The following SNX10 variants were observed in gnomAD, a reference collection of about 807,000 sequenced individuals.
SNX10 encodes sorting nexin 10, also known as sorting nexin-10.
A neutral mutation model predicts 28.5 loss-of-function variants in SNX10; 25 were observed. The ratio of observed to expected loss-of-function variants is 0.88; its 90% CI spans 0.64 to 1.22. The LOEUF (loss-of-function observed/expected upper bound fraction) is 1.22. Ranked by LOEUF, SNX10 falls within the 50% of genes most tolerant of loss-of-function variation. The pLI is 0.00. For missense variants in SNX10, 223 were observed against 242.6 expected, an observed-to-expected ratio of 0.92 and a Z score of 0.54; for synonymous variants, 62 against 81.4, an observed-to-expected ratio of 0.76 and a Z score of 1.28.
chr7:26,372,312 TA>T, intron 6 of SNX10, 178 bp from the exon 7 acceptor site: 1 of 615,710 alleles, frequency 1.6e-6, no homozygotes, highest in South Asian at 2.0e-5. Flanking sequence ...TATTCGCGTT[TA>T]AATTATCTAG....
chr7:26,355,274 C>A (rs1199269865), intron 2 of SNX10, among the ~76,000 whole-genome samples: 1 of 152,112 alleles, frequency 6.6e-6, no homozygotes. Context: ...CCACTTTATT[C>A]TTTTTCAAAA....
chr7:26,292,588 CTGAT>C (rs914393254), intron 1 of SNX10, among the ~76,000 whole-genome samples: 4 of 152,030 alleles, frequency 2.6e-5, no homozygotes, highest in African/African-American at 9.7e-5. Flanking sequence ...ATATAATTGA[CTGAT>C]TATCAGATTT....
intron 1 of SNX10, among the ~76,000 whole-genome samples, chr7:26,292,625 T>C (rs1785970853): frequency 1.3e-5 from 2 of 152,282 alleles, no homozygotes; most frequent in Admixed American, 6.5e-5. Context: ...AGCAACAGCC[T>C]GTTTTTCAGT....
At chr7:26,359,094 T>C (rs73068480) in intron 2 of SNX10, among the ~76,000 whole-genome samples, 26,470 of 151,932 alleles carry the variant, frequency 0.17, 2,529 homozygotes, top group South Asian at 0.36. Flanking sequence ...GTGTGAGCCC[T>C]GCCTATCTTG....
chr7:26,318,892 T>A (rs1787197872), intron 1 of SNX10, among the ~76,000 whole-genome samples: 1 of 152,242 alleles, frequency 6.6e-6, no homozygotes, highest in Non-Finnish European at 1.5e-5. Context: ...CCACATGAGA[T>A]CCCTTTTTCT....
At chr7:26,334,291 A>G (rs953808073) in intron 1 of SNX10, among the ~76,000 whole-genome samples, 2 of 152,226 alleles carry the variant, frequency 1.3e-5, no homozygotes, top group Admixed American at 6.5e-5. Flanking sequence ...CATCACCTCA[A>G]GCATTTAAGG....
At chr7:26,323,652 T>C (rs916016196) in intron 1 of SNX10, among the ~76,000 whole-genome samples, 5 of 152,120 alleles carry the variant, frequency 3.3e-5, no homozygotes, top group Admixed American at 3.3e-4. Context: ...GGGCTTTACG[T>C]AGAAAAGGGG....
intron 1 of SNX10, among the ~76,000 whole-genome samples, chr7:26,313,380 G>A (rs1490536189): frequency 1.3e-5 from 2 of 152,192 alleles, no homozygotes; most frequent in Non-Finnish European, 2.9e-5. Flanking sequence ...GTTAGAACCT[G>A]TAAACTGATG....
At chr7:26,315,902 G>T (rs1425928918) in intron 1 of SNX10, among the ~76,000 whole-genome samples, 1 of 151,842 alleles carries the variant, frequency 6.6e-6, no homozygotes, top group Non-Finnish European at 1.5e-5. Flanking sequence ...CCTAGAGTTG[G>T]CTGGGCGCGA....
intron 1 of SNX10, among the ~76,000 whole-genome samples, chr7:26,303,500 C>T (rs976523766): frequency 1.3e-5 from 2 of 152,122 alleles, no homozygotes; most frequent in Non-Finnish European, 2.9e-5. Context: ...CAGGCTCCTC[C>T]GACCCTCTTT....
chr7:26,359,955 C>G (rs1232448671), intron 2 of SNX10, among the ~76,000 whole-genome samples: 1 of 152,104 alleles, frequency 6.6e-6, no homozygotes, highest in Non-Finnish European at 1.5e-5. Context: ...TGCGCCCGGC[C>G]TATTGTTTTA....
intron 1 of SNX10, among the ~76,000 whole-genome samples, chr7:26,317,807 C>T (rs1361794296): frequency 6.6e-5 from 10 of 152,010 alleles, no homozygotes; most frequent in Non-Finnish European, 1.5e-4. Context: ...AGATTAAAGG[C>T]ACATACTACC....
chr7:26,365,920 T>C (rs1281926004), intron 5 of SNX10, among the ~76,000 whole-genome samples: 3 of 152,190 alleles, frequency 2.0e-5, no homozygotes, highest in Non-Finnish European at 4.4e-5. Context: ...GGGGTAATCA[T>C]AGTACCTACC....
chr7:26,372,165 TTGAC>T lies in SNX10; in HGVS notation c.524+136_524+139del, dbSNP rs919416919. The T allele has an allele frequency of 2.0e-4, 123 of 618,390 alleles. No individual in the cohort carries two copies. The East Asian group carries it at 2.5e-3, about 12-fold the overall frequency. The allele number at this position is 618,390 out of a possible 1,614,324, so 38.3% of individuals were successfully genotyped here. A position where few individuals can be genotyped will look rare whatever the true frequency, so the allele number is the denominator to read the frequency against. On this transcript the variant is annotated intron_variant, in intron 6 of 6. Transcript: ENST00000338523. Reference sequence around the variant, plus strand: ...AATACTAAGATAATGAAAAAATTAATTGACTGAGATTTTATTGAGCTGTGACAGC... The same window carrying T: ...AATACTAAGATAATGAAAAAATTAATTGAGATTTTATTGAGCTGTGACAGC...
chr7:26,323,316 A>G (rs1787375873), intron 1 of SNX10, among the ~76,000 whole-genome samples: 1 of 151,540 alleles, frequency 6.6e-6, no homozygotes, highest in Non-Finnish European at 1.5e-5. Context: ...ACTTAGGGGA[A>G]AAACGAGTTA....
intron 1 of SNX10, chr7:26,293,196 A>G (rs1443736260): frequency 2.0e-5 from 3 of 151,796 alleles, no homozygotes; most frequent in Non-Finnish European, 4.4e-5. Context: ...TCTTAATATT[A>G]TTTACTTTTT....
At chr7:26,330,518 T>A (rs890144934) in intron 1 of SNX10, among the ~76,000 whole-genome samples, 1 of 151,448 alleles carries the variant, frequency 6.6e-6, no homozygotes, top group Middle Eastern at 3.2e-3. Context: ...CTGAGATGGG[T>A]GTGAATTGGG....
chr7:26,298,524 G>A (rs766458862), intron 1 of SNX10, among the ~76,000 whole-genome samples: 106 of 152,244 alleles, frequency 7.0e-4, no homozygotes, highest in Non-Finnish European at 6.8e-4. Flanking sequence ...GGAAAGGCAC[G>A]TTAGCAGTAT....
chr7:26,304,344 G>A lies in SNX10; in HGVS notation c.-24+12258G>A, dbSNP rs972882647. ...CTCCAATTCAGTACCCCCTTGCCCC[G>A]AATCTCAGGTTGCCATTGTTACTTT... On this transcript the variant is annotated intron_variant, in intron 1 of 6. Transcript: ENST00000338523. Among the ~76,000 whole-genome samples, 8 of 152,178 alleles carry A rather than the reference G, an allele frequency of 5.3e-5. No homozygotes were observed. In the East Asian group the frequency reaches 5.8e-4, roughly 11 times the overall value.
Sources: gnomAD v4.1 joint callset for allele counts (sites outside exome capture counted in the v4.1 genomes callset) on GRCh38, gnomAD v4.1.1 for gene constraint, MANE v1.5 for transcripts, NCBI Gene and HGNC (gene_info 2026-07-23, HGNC 2026-07-21) for gene names.